POLR3G: variants seen among roughly 807,000 people sequenced by gnomAD.
POLR3G encodes the protein DNA-directed RNA polymerase III subunit RPC7.
A neutral mutation model predicts 30.1 loss-of-function variants in POLR3G; 28 were observed. That is an observed-to-expected ratio of 0.93 (90% confidence interval 0.69 to 1.27). The LOEUF (loss-of-function observed/expected upper bound fraction) is 1.27, where lower values mean the gene tolerates loss of function less well. Among genes scored for constraint, POLR3G ranks in the 50% most tolerant of loss-of-function variants. The pLI is 0.00. For missense variants in POLR3G, 254 were observed against 264.6 expected (o/e 0.96, Z 0.28); for synonymous variants, 79 against 82.5 (o/e 0.96, Z 0.23).
chr5:90,508,091 C>A (rs1752574433), intron 7 of POLR3G, among the ~76,000 whole-genome samples: 1 of 152,148 alleles, frequency 6.6e-6, no homozygotes, highest in African/African-American at 2.4e-5. Flanking sequence ...GAAATTGATG[C>A]CCCTCAAAAA....
chr5:90,493,617 T>A (rs1751839644), intron 3 of POLR3G, among the ~76,000 whole-genome samples: 1 of 150,102 alleles, frequency 6.7e-6, no homozygotes, highest in Non-Finnish European at 1.5e-5. Flanking sequence ...CTTTTTAAAG[T>A]GTACAATTCA....
intron 6 of POLR3G, among the ~76,000 whole-genome samples, chr5:90,504,527 C>A (rs1452941578): frequency 7.3e-5 from 11 of 149,926 alleles, no homozygotes; most frequent in Admixed American, 4.7e-4. Flanking sequence ...GTACCACTGC[C>A]CTCCAGCCTG....
intron 6 of POLR3G, among the ~76,000 whole-genome samples, chr5:90,504,758 A>G (rs1752411765): frequency 6.6e-6 from 1 of 152,182 alleles, no homozygotes; most frequent in Non-Finnish European, 1.5e-5. Flanking sequence ...AAAATAGTAA[A>G]AAAATATAAT....
At chr5:90,481,678 G>T (rs1751128888) in intron 1 of POLR3G, among the ~76,000 whole-genome samples, 1 of 152,008 alleles carries the variant, frequency 6.6e-6, no homozygotes, top group Non-Finnish European at 1.5e-5. Context: ...AAAAAAAAAT[G>T]GGAAAACCAT....
Position 90,493,079 on chromosome 5 carries a change from G to A in POLR3G, c.248-2598G>A, listed in dbSNP as rs1345238852. Among the ~76,000 whole-genome samples the A allele has an allele frequency of 3.9e-5, 6 of 152,292 alleles. No individual in the cohort carries two copies. In the East Asian group the frequency reaches 7.7e-4, roughly 20 times the overall value. ...TGTCTTTGGAATCTGGGATCAGGACGTACAGAAGGCATATATTCTAGGTTT... is the reference window on the plus strand; with the variant it reads ...TGTCTTTGGAATCTGGGATCAGGACATACAGAAGGCATATATTCTAGGTTT... On this transcript the variant is annotated intron_variant, in intron 3 of 7. Coordinates refer to ENST00000651687, the MANE Select transcript of POLR3G (RefSeq NM_006467.3).
At chr5:90,492,327 C>T (rs1047124811) in intron 3 of POLR3G, among the ~76,000 whole-genome samples, 1 of 152,126 alleles carries the variant, frequency 6.6e-6, no homozygotes, top group Non-Finnish European at 1.5e-5. Flanking sequence ...TAACAAAAAC[C>T]TGGAACATCC....
At chr5:90,485,299 G>A (rs1751381262) in intron 1 of POLR3G, among the ~76,000 whole-genome samples, 1 of 152,196 alleles carries the variant, frequency 6.6e-6, no homozygotes, top group South Asian at 2.1e-4. Context: ...CTGGATGTGG[G>A]GCAGTAGTGG....
intron 1 of POLR3G, among the ~76,000 whole-genome samples, chr5:90,483,425 G>A (rs1023860558): frequency 6.6e-6 from 1 of 152,120 alleles, no homozygotes; most frequent in South Asian, 2.1e-4. Context: ...AACAGGAAAC[G>A]ATGTTTCATT....
At chr5:90,505,339 C>T (rs1048955762) in intron 6 of POLR3G, among the ~76,000 whole-genome samples, 4 of 152,074 alleles carry the variant, frequency 2.6e-5, no homozygotes, top group African/African-American at 9.7e-5. Flanking sequence ...AAATTATTGA[C>T]TCCTGGAAAA....
rs1752839472 is a variant in POLR3G at position 90,513,749 on chromosome 5, CTT to C, written c.*1611_*1612del. ...TGTGTTAACCATTTGTGAATTACTTCTTGTTTAAAGGAAGTTGTCAAAAAATT... is the reference window on the plus strand; with the variant it reads ...TGTGTTAACCATTTGTGAATTACTTCGTTTAAAGGAAGTTGTCAAAAAATT... On this transcript the variant is annotated 3_prime_UTR_variant, in exon 8 of 8. Transcript: ENST00000651687. The C allele has an allele frequency of 6.6e-6, 1 of 152,118 alleles. No homozygotes were observed. The highest frequency in any genetic ancestry group is 1.5e-5 in the Non-Finnish European group (1 of 68,022). The allele number at this position is 152,118 out of a possible 1,614,324, so 9.4% of individuals were successfully genotyped here. A position where few individuals can be genotyped will look rare whatever the true frequency, so the allele number is the denominator to read the frequency against.
chr5:90,510,275 G>A (rs1752677354), intron 7 of POLR3G, among the ~76,000 whole-genome samples: 1 of 152,128 alleles, frequency 6.6e-6, no homozygotes, highest in Admixed American at 6.5e-5. Flanking sequence ...CTACTCGGGA[G>A]GCTGAGGCAG....
intron 6 of POLR3G, among the ~76,000 whole-genome samples, chr5:90,503,239 A>G (rs1462351297): frequency 6.6e-6 from 1 of 152,220 alleles, no homozygotes; most frequent in African/African-American, 2.4e-5. Flanking sequence ...TTTACAGATG[A>G]GGAAGTCAAG....
chr5:90,475,465 C>T (rs1750751810), intron 1 of POLR3G, among the ~76,000 whole-genome samples: 1 of 118,560 alleles, frequency 8.4e-6, no homozygotes, highest in Non-Finnish European at 1.7e-5. Flanking sequence ...ATTCTATATC[C>T]ACCCTTTTTT....
intron 2 of POLR3G, 127 bp downstream of exon 2, chr5:90,485,811 T>C (rs1279922314): frequency 4.8e-6 from 3 of 618,668 alleles, no homozygotes; most frequent in East Asian, 2.8e-5. Flanking sequence ...GGAGAGTGTG[T>C]TTCACTTACC....
chr5:90,497,869 G>C, intron 5 of POLR3G, 163 bp downstream of exon 5: 1 of 833,568 alleles, frequency 1.2e-6, no homozygotes, highest in South Asian at 2.2e-5. Flanking sequence ...ATTTCGGGAG[G>C]CTGAGGTGGG....
At chr5:90,502,423 A>G in intron 6 of POLR3G, 1 of 851,906 alleles carries the variant, frequency 1.2e-6, no homozygotes, top group Non-Finnish European at 1.4e-6. Context: ...GGAAAAATGT[A>G]TTTTATAGAA....
intron 1 of POLR3G, among the ~76,000 whole-genome samples, chr5:90,480,328 G>T (rs1488158304): frequency 1.3e-5 from 2 of 152,150 alleles, no homozygotes; most frequent in South Asian, 4.1e-4. Context: ...AGAAGAAAAT[G>T]AATTTATCAG....
rs1752832121 is a variant in POLR3G, at chr5:90,513,582, A to T, written c.*1443A>T. On this transcript the variant is annotated 3_prime_UTR_variant, in exon 8 of 8. Transcript: ENST00000651687. ...TTGTAATCTGATTTTCCTATCTTGT[A>T]TTCATGCAGAAAATTGGAGAAAATG... 6.6e-6 allele frequency: 1 copy of T among 152,384 alleles called. No homozygotes were observed. Among genetic ancestry groups the T allele is most frequent in the South Asian group, 2.1e-4 (1 of 4,832 alleles). The allele number at this position is 152,384 out of a possible 1,614,324, so 9.4% of individuals were successfully genotyped here.
intron 3 of POLR3G, among the ~76,000 whole-genome samples, chr5:90,495,247 A>G (rs1751926316): frequency 6.6e-6 from 1 of 152,180 alleles, no homozygotes; most frequent in Admixed American, 6.5e-5. Flanking sequence ...TAACTCCTGA[A>G]CTACTTTTTA....
Sources: allele counts gnomAD v4.1 joint callset (sites outside exome capture counted in the v4.1 genomes callset), GRCh38; gene constraint gnomAD v4.1.1; transcripts MANE v1.5; gene names NCBI Gene and HGNC (gene_info 2026-07-23, HGNC 2026-07-21).